NMRK1: variants seen among roughly 807,000 people sequenced by gnomAD.
NMRK1 encodes NRK 1.
Under a neutral mutation model 29.9 loss-of-function variants are expected in NMRK1, and 28 were observed. That is an observed-to-expected ratio of 0.94 (90% CI 0.69 to 1.28). The LOEUF (loss-of-function observed/expected upper bound fraction) is 1.28. NMRK1 is among the 50% of genes most tolerant of loss of function. The pLI is 0.00. For synonymous variants in NMRK1, 58 were observed against 73.0 expected (o/e 0.79, Z 1.05); for missense variants, 218 against 233.1 (o/e 0.94, Z 0.42).
At chr9:75,069,330 A>G in intron 6 of NMRK1, 1 of 527,516 alleles carries the variant, frequency 1.9e-6, no homozygotes. Flanking sequence ...ATTCTTAATT[A>G]TTCTTTTTCC....
chr9:75,087,704 G>A (rs955051752), intron 1 of NMRK1: 6 of 152,014 alleles, frequency 3.9e-5, no homozygotes, highest in African/African-American at 1.5e-4. Context: ...AGAGGAATGA[G>A]ACCATATCGA....
intron 8 of NMRK1, among the ~76,000 whole-genome samples, chr9:75,061,863 G>T (rs1823039950): frequency 6.6e-6 from 1 of 152,132 alleles, no homozygotes; most frequent in Non-Finnish European, 1.5e-5. Flanking sequence ...AACCACAAAG[G>T]GTAGTTGTCT....
chr9:75,062,372 A>G (rs1322225), intron 8 of NMRK1, among the ~76,000 whole-genome samples: 73,096 of 151,918 alleles, frequency 0.48, 18,293 homozygotes, highest in African/African-American at 0.62. Flanking sequence ...ATTAAATTTT[A>G]TTTTGCAACT....
chr9:75,086,623 A>G (rs1434244297), intron 1 of NMRK1, among the ~76,000 whole-genome samples: 3 of 152,226 alleles, frequency 2.0e-5, no homozygotes, highest in African/African-American at 7.2e-5. Context: ...TAAACTGCAG[A>G]ATGGTCAGAA....
Position 75,069,917 on chromosome 9 carries a change from C to G in NMRK1, c.295G>C (p.Gly99Arg). ...AEEIPILIIE[G>R]FLLFNYKPLD... ...TACTTATAATTAAAAAGAAGAAAAC[C>G]TTCGATGATTAAAATGGGAATTTCC... The change falls in exon 5 of 9, where the codon GGT becomes CGT. Residue 99 changes from glycine to arginine, a missense_variant. Coordinates refer to ENST00000361092, the MANE Select transcript of NMRK1 (RefSeq NM_017881.3). 2 of 1,613,792 alleles carry G rather than the reference C, an allele frequency of 1.2e-6. No individual in the cohort carries two copies. Among genetic ancestry groups the G allele is most frequent in the Non-Finnish European group, 1.7e-6 (2 of 1,179,894 alleles).
intron 2 of NMRK1, among the ~76,000 whole-genome samples, chr9:75,081,616 G>T (rs1379615122): frequency 6.6e-6 from 1 of 152,154 alleles, no homozygotes; most frequent in African/African-American, 2.4e-5. Context: ...GATGAAGGCT[G>T]GATTGGATCC....
At chr9:75,077,418 G>T in intron 3 of NMRK1, 72 bp downstream of exon 3, 1 of 1,139,920 alleles carries the variant, frequency 8.8e-7, no homozygotes, top group South Asian at 1.3e-5. Context: ...AGACTTCTTG[G>T]ATGTAATTCA....
chr9:75,062,529 A>G (rs920243809), intron 8 of NMRK1, among the ~76,000 whole-genome samples: 2 of 152,172 alleles, frequency 1.3e-5, no homozygotes, highest in Non-Finnish European at 2.9e-5. Context: ...TAGTTTCATT[A>G]TATAATGAAA....
At chr9:75,081,471 A>G (rs1353704066) in intron 2 of NMRK1, among the ~76,000 whole-genome samples, 17 of 152,302 alleles carry the variant, frequency 1.1e-4, no homozygotes, top group Non-Finnish European at 2.9e-5. Context: ...TAAATAAAAG[A>G]TAGTGGAAAG....
intron 2 of NMRK1, among the ~76,000 whole-genome samples, chr9:75,080,631 G>A (rs1169964708): frequency 6.6e-6 from 1 of 152,116 alleles, no homozygotes; most frequent in East Asian, 1.9e-4. Flanking sequence ...CAGCCTGGGC[G>A]AGCAAGACTC....
In NMRK1 at chr9:75,077,334, C is replaced by CAGTGCCATCT. The variant is rs1824053857; in HGVS notation, c.121-137_121-128dup. On this transcript the variant is annotated intron_variant, in intron 3 of 8. Transcript: ENST00000361092. The stretch of plus-strand genomic sequence containing the variant: ...TCAAAGAAAGATCAGCACTGATAGA[C>CAGTGCCATCT]AGTGCCATCTAGTGGATAAGTAACA... The CAGTGCCATCT allele has an allele frequency of 1.5e-5, 13 of 851,026 alleles. No homozygotes were observed. In the East Asian group the frequency reaches 3.1e-4, roughly 21 times the overall value. The allele number at this position is 851,026 out of a possible 1,614,324, so 52.7% of individuals were successfully genotyped here.
intron 1 of NMRK1, among the ~76,000 whole-genome samples, chr9:75,086,345 G>A (rs1233420121): frequency 1.3e-5 from 2 of 152,306 alleles, no homozygotes; most frequent in South Asian, 4.1e-4. Context: ...TTCAGGGCAC[G>A]TCTATCACTA....
intron 1 of NMRK1, among the ~76,000 whole-genome samples, chr9:75,084,051 G>A (rs573396806): frequency 1.3e-5 from 2 of 152,348 alleles, no homozygotes; most frequent in African/African-American, 2.4e-5. Context: ...TTTTGGTTTA[G>A]GGGATGGAGG....
intron 8 of NMRK1, among the ~76,000 whole-genome samples, 162 bp downstream of exon 8, chr9:75,066,594 AC>A (rs5898392): frequency 0.77 from 116,080 of 151,514 alleles, 44,555 homozygotes; most frequent in Admixed American, 0.82. Context: ...GAGTCTCCAA[AC>A]CCCCCCCCAG....
chr9:75,071,493 T>C (rs565266650), intron 4 of NMRK1, among the ~76,000 whole-genome samples: 2 of 152,338 alleles, frequency 1.3e-5, no homozygotes, highest in African/African-American at 4.8e-5. Flanking sequence ...ATGGTATTGG[T>C]GTCTGTTGAT....
intron 2 of NMRK1, among the ~76,000 whole-genome samples, chr9:75,079,756 A>C (rs1824210947): frequency 6.6e-6 from 1 of 152,018 alleles, no homozygotes. Context: ...AGGATGGGGG[A>C]AAGGGATAGG....
chr9:75,062,284 C>T (rs1823067469), intron 8 of NMRK1, among the ~76,000 whole-genome samples: 1 of 152,080 alleles, frequency 6.6e-6, no homozygotes, highest in Non-Finnish European at 1.5e-5. Context: ...ATTTGGACTA[C>T]TGTACCAGAT....
intron 7 of NMRK1, among the ~76,000 whole-genome samples, chr9:75,068,442 T>C (rs1823495214): frequency 6.6e-6 from 1 of 152,186 alleles, no homozygotes; most frequent in Admixed American, 6.5e-5. Context: ...AACACCAGCT[T>C]TCTTTCAGGG....
intron 4 of NMRK1, among the ~76,000 whole-genome samples, chr9:75,074,621 C>G (rs573262351): frequency 6.6e-6 from 1 of 152,254 alleles, no homozygotes; most frequent in East Asian, 1.9e-4. Flanking sequence ...CCCTTGGACT[C>G]AAGTAATCTA....
Sources: allele counts gnomAD v4.1 joint callset (sites outside exome capture counted in the v4.1 genomes callset), GRCh38; gene constraint gnomAD v4.1.1; transcripts MANE v1.5; gene names NCBI Gene and HGNC (gene_info 2026-07-23, HGNC 2026-07-21).